Variants in GOSR1 observed in about 807,000 individuals in gnomAD.
GOSR1 encodes 28 kDa Golgi SNARE protein.
A neutral mutation model predicts 35.5 loss-of-function variants in GOSR1; 21 were observed. That is an observed-to-expected ratio of 0.59 (90% CI 0.42 to 0.85). GOSR1 has a LOEUF of 0.85. Ranked by LOEUF, GOSR1 falls within the 40% of genes least tolerant of loss-of-function variation. GOSR1 has a pLI of 0.00. For missense variants in GOSR1, 285 were observed against 309.6 expected, an observed-to-expected ratio of 0.92 and a Z score of 0.60; for synonymous variants, 94 against 106.6, an observed-to-expected ratio of 0.88 and a Z score of 0.73.
intron 4 of GOSR1, among the ~76,000 whole-genome samples, chr17:30,487,923 G>A (rs2143661050): frequency 6.6e-6 from 1 of 151,500 alleles, no homozygotes; most frequent in Non-Finnish European, 1.5e-5. Flanking sequence ...CTACAGGTGT[G>A]CGCCACCACG....
intron 6 of GOSR1, among the ~76,000 whole-genome samples, chr17:30,501,726 C>A (rs1416839733): frequency 6.6e-6 from 1 of 152,182 alleles, no homozygotes; most frequent in Non-Finnish European, 1.5e-5. Context: ...GAACTCCTGA[C>A]CTCGTGATCC....
intron 4 of GOSR1, chr17:30,485,260 TAGGA>T (rs1247077901): frequency 4.4e-4 from 79 of 181,012 alleles, no homozygotes; most frequent in African/African-American, 1.9e-3. Context: ...GTAGTACAAA[TAGGA>T]AGGCAATTTT....
intron 8 of GOSR1, among the ~76,000 whole-genome samples, chr17:30,521,177 T>TTTC (rs1411727864): frequency 7.2e-6 from 1 of 138,254 alleles, no homozygotes; most frequent in East Asian, 2.1e-4. Flanking sequence ...CTTTTTTTTT[T>TTTC]TTTTTTTTTT....
intron 7 of GOSR1, among the ~76,000 whole-genome samples, chr17:30,516,469 C>CAAAAAGA (rs370736848): frequency 9.0e-6 from 1 of 111,228 alleles, no homozygotes; most frequent in Admixed American, 8.7e-5. Flanking sequence ...GACTCCGTCT[C>CAAAAAGA]AAACAAAAAA....
chr17:30,504,906 A>G (rs188078945), intron 6 of GOSR1, among the ~76,000 whole-genome samples: 36 of 152,376 alleles, frequency 2.4e-4, no homozygotes, highest in African/African-American at 8.4e-4. Context: ...GGTTGAGAAC[A>G]GATACAAGAG....
At chr17:30,514,400 T>C (rs1967725481) in intron 7 of GOSR1, among the ~76,000 whole-genome samples, 1 of 152,204 alleles carries the variant, frequency 6.6e-6, no homozygotes. Flanking sequence ...CTTAGTAACT[T>C]CCTGAGAAAG....
chr17:30,510,983 C>G (rs1276344538), intron 7 of GOSR1, 74 bp downstream of exon 7: 1 of 843,852 alleles, frequency 1.2e-6, no homozygotes, highest in African/African-American at 1.7e-5. Context: ...AGTGTTACAG[C>G]TGTTTTAGAA....
intron 6 of GOSR1, among the ~76,000 whole-genome samples, chr17:30,493,673 T>C (rs1019412297): frequency 1.3e-5 from 2 of 152,202 alleles, no homozygotes; most frequent in African/African-American, 4.8e-5. Flanking sequence ...TTAGAAAGTA[T>C]GGATAGTTCA....
intron 8 of GOSR1, among the ~76,000 whole-genome samples, chr17:30,521,018 T>C (rs188528181): frequency 6.6e-5 from 10 of 152,300 alleles, no homozygotes; most frequent in Admixed American, 6.5e-4. Flanking sequence ...GTGAAACTTT[T>C]GAAACTTTGA....
chr17:30,511,505 A>G (rs1184872242), intron 7 of GOSR1, among the ~76,000 whole-genome samples: 1 of 151,662 alleles, frequency 6.6e-6, no homozygotes, highest in African/African-American at 2.4e-5. Context: ...AGGTAAATCA[A>G]AGTACATGAC....
chr17:30,510,816 T>A lies in GOSR1; in HGVS notation c.510-64T>A, dbSNP rs531652619. The A allele has an allele frequency of 1.5e-5, 13 of 860,572 alleles. No homozygotes were observed. The South Asian group carries it at 1.7e-4, about 11-fold the overall frequency. 53.3% of individuals were successfully genotyped at this position (860,572 alleles called of 1,614,324 possible). A position where few individuals can be genotyped will look rare whatever the true frequency, so the allele number is the denominator to read the frequency against. On this transcript the variant is annotated intron_variant, in intron 6 of 8. Transcript: ENST00000451249. ...TAAAAAGTTTATAGATGTAGAAAAATTAATACAGGTTTTACATGTGCATTT... is the reference window on the plus strand; with the variant it reads ...TAAAAAGTTTATAGATGTAGAAAAAATAATACAGGTTTTACATGTGCATTT...
At chr17:30,520,144 A>G in intron 8 of GOSR1, 123 bp downstream of exon 8, 2 of 683,208 alleles carry the variant, frequency 2.9e-6, no homozygotes, top group South Asian at 1.8e-5. Flanking sequence ...TAATTGCATA[A>G]TATGAATATA....
At chr17:30,509,044 C>G (rs8078908) in intron 6 of GOSR1, among the ~76,000 whole-genome samples, 1 of 151,974 alleles carries the variant, frequency 6.6e-6, no homozygotes, top group Non-Finnish European at 1.5e-5. Flanking sequence ...GGCGCAATCT[C>G]GGCTCACTGC....
rs555116435 is a variant in GOSR1 at position 30,480,398 on chromosome 17, A to G, written c.32-745A>G. Among the ~76,000 whole-genome samples the G allele has an allele frequency of 5.9e-5, 9 of 152,340 alleles. No individual in the cohort carries two copies. In the South Asian group the frequency reaches 1.9e-3, roughly 32 times the overall value. On this transcript the variant is annotated intron_variant, in intron 1 of 8. Transcript: ENST00000451249. ...ATAAAGCTTTGGAACATAAAAAGCA[A>G]AATCCCTTTCAAAAGAATAATGGCT...
intron 6 of GOSR1, among the ~76,000 whole-genome samples, chr17:30,502,657 A>T (rs140499217): frequency 2.6e-5 from 4 of 152,232 alleles, no homozygotes; most frequent in African/African-American, 9.6e-5. Context: ...TAAACAACCC[A>T]TGAACAAAGC....
At chr17:30,509,871 C>G (rs575147968) in intron 6 of GOSR1, among the ~76,000 whole-genome samples, 1 of 152,272 alleles carries the variant, frequency 6.6e-6, no homozygotes, top group South Asian at 2.1e-4. Context: ...TACTTATAGA[C>G]ATCAGAATTA....
intron 6 of GOSR1, among the ~76,000 whole-genome samples, chr17:30,504,958 G>T (rs925523378): frequency 3.3e-5 from 5 of 152,214 alleles, no homozygotes; most frequent in African/African-American, 1.2e-4. Context: ...AGTGTACCTG[G>T]CTGGCTTTCT....
intron 6 of GOSR1, among the ~76,000 whole-genome samples, chr17:30,498,385 G>A (rs1021657311): frequency 2.0e-5 from 3 of 152,118 alleles, no homozygotes; most frequent in Admixed American, 2.0e-4. Flanking sequence ...AGGTGGGGTG[G>A]GGAGCAGAAA....
intron 4 of GOSR1, among the ~76,000 whole-genome samples, chr17:30,488,916 CATAAG>C (rs1422261152): frequency 1.3e-5 from 2 of 152,114 alleles, no homozygotes; most frequent in African/African-American, 2.4e-5. Context: ...TTGTGATAGT[CATAAG>C]ATAATATTCT....
Sources: allele counts gnomAD v4.1 joint callset (sites outside exome capture counted in the v4.1 genomes callset), GRCh38; gene constraint gnomAD v4.1.1; transcripts MANE v1.5; gene names NCBI Gene and HGNC (gene_info 2026-07-23, HGNC 2026-07-21).